The following PTN variants were observed in gnomAD, a reference collection of about 807,000 sequenced individuals.
The protein encoded by PTN is heparin affin regulatory protein.
In PTN, 18 loss-of-function variants were observed where a neutral mutation model predicts 24.1. That is an observed-to-expected ratio of 0.75 (90% CI 0.52 to 1.11). The LOEUF is 1.11. Ranked by LOEUF, PTN falls within the 50% of genes least tolerant of loss-of-function variation. The pLI, the probability that PTN is intolerant of heterozygous loss-of-function variation, is 0.00. For synonymous variants in PTN, 78 were observed against 68.6 expected (o/e 1.14, Z -0.67); for missense variants, 163 against 198.8 (o/e 0.82, Z 1.08).
chr7:137,286,283 A>T (rs1809552900), intron 1 of PTN, among the ~76,000 whole-genome samples: 2 of 152,260 alleles, frequency 1.3e-5, no homozygotes, highest in Admixed American at 1.3e-4. Flanking sequence ...GACTATACCT[A>T]CAAGGTTTGA....
At chr7:137,262,550 C>T (rs571646160) in intron 1 of PTN, among the ~76,000 whole-genome samples, 2 of 152,124 alleles carry the variant, frequency 1.3e-5, no homozygotes, top group South Asian at 2.1e-4. Context: ...CCTCAGACAC[C>T]GAGATAGTGA....
intron 1 of PTN, among the ~76,000 whole-genome samples, chr7:137,258,701 A>G (rs1383002564): frequency 6.6e-6 from 1 of 152,172 alleles, no homozygotes; most frequent in Non-Finnish European, 1.5e-5. Context: ...TTGAGTAACT[A>G]GTATACATAG....
chr7:137,232,799 T>G (rs981119630), intron 4 of PTN, among the ~76,000 whole-genome samples: 2 of 151,914 alleles, frequency 1.3e-5, no homozygotes, highest in Non-Finnish European at 2.9e-5. Flanking sequence ...TGGCGGCAGT[T>G]TCCCCCATGC....
At chr7:137,286,968 T>C (rs1441952249) in intron 1 of PTN, among the ~76,000 whole-genome samples, 1 of 152,200 alleles carries the variant, frequency 6.6e-6, no homozygotes, top group Non-Finnish European at 1.5e-5. Context: ...ATTTAATAGA[T>C]TGCATAACTT....
chr7:137,261,204 T>C, intron 1 of PTN, among the ~76,000 whole-genome samples: 1 of 152,304 alleles, frequency 6.6e-6, no homozygotes, highest in African/African-American at 2.4e-5. Flanking sequence ...CTTTGTTTGT[T>C]CGTTTTGATA....
At chr7:137,239,743 T>C (rs570807665) in intron 4 of PTN, among the ~76,000 whole-genome samples, 50 of 152,352 alleles carry the variant, frequency 3.3e-4, no homozygotes, top group Non-Finnish European at 1.2e-4. Flanking sequence ...TCATTTTTTA[T>C]GGCTGCATAG....
chr7:137,243,135 C>G (rs763736971), intron 4 of PTN, among the ~76,000 whole-genome samples: 3 of 152,104 alleles, frequency 2.0e-5, no homozygotes, highest in Non-Finnish European at 4.4e-5. Flanking sequence ...TGGGGTTTCA[C>G]CATGTTGGCC....
chr7:137,254,222 G>A (rs376762709), intron 2 of PTN, among the ~76,000 whole-genome samples: 38 of 151,842 alleles, frequency 2.5e-4, no homozygotes, highest in African/African-American at 8.9e-4. Context: ...CACTTGAACC[G>A]GGAGACAGAG....
At chr7:137,306,829 C>T (rs1218217696) in intron 1 of PTN, among the ~76,000 whole-genome samples, 1 of 152,098 alleles carries the variant, frequency 6.6e-6, no homozygotes, top group African/African-American at 2.4e-5. Context: ...GTCATGAGAG[C>T]AACCTATTAT....
chr7:137,283,040 A>G (rs1563211516), intron 1 of PTN, among the ~76,000 whole-genome samples: 1 of 152,112 alleles, frequency 6.6e-6, no homozygotes, highest in Admixed American at 6.6e-5. Flanking sequence ...AGGAAATATC[A>G]AAGAGCCTGA....
intron 1 of PTN, among the ~76,000 whole-genome samples, chr7:137,279,772 T>A (rs1809435448): frequency 6.6e-6 from 1 of 152,174 alleles, no homozygotes; most frequent in Admixed American, 6.5e-5. Context: ...AGGCCATTAT[T>A]AGATGTGAAT....
intron 1 of PTN, among the ~76,000 whole-genome samples, chr7:137,308,555 G>C (rs748238404): frequency 6.6e-6 from 1 of 152,136 alleles, no homozygotes; most frequent in Admixed American, 6.5e-5. Context: ...GGGTGTTGGG[G>C]TTCAGAGCTT....
intron 1 of PTN, among the ~76,000 whole-genome samples, chr7:137,287,495 T>C (rs1372954955): frequency 1.3e-5 from 2 of 152,088 alleles, no homozygotes; most frequent in African/African-American, 4.8e-5. Context: ...GACCTTAAAT[T>C]GGTCCTTAAA....
intron 1 of PTN, among the ~76,000 whole-genome samples, chr7:137,300,051 A>G (rs1585035270): frequency 1.3e-5 from 2 of 151,636 alleles, no homozygotes; most frequent in South Asian, 4.2e-4. Context: ...GCTGCCCGCC[A>G]TGGGAGCAAT....
At chr7:137,317,778 C>T (rs994632471) in intron 1 of PTN, among the ~76,000 whole-genome samples, 1 of 152,046 alleles carries the variant, frequency 6.6e-6, no homozygotes, top group Non-Finnish European at 1.5e-5. Flanking sequence ...TGGGGGAAGG[C>T]GTCGTCCCTC....
At chr7:137,243,118 T>G (rs893601429) in intron 4 of PTN, among the ~76,000 whole-genome samples, 1 of 152,050 alleles carries the variant, frequency 6.6e-6, no homozygotes, top group African/African-American at 2.4e-5. Context: ...TGTATTTTTA[T>G]TAGAGATGGG....
intron 1 of PTN, among the ~76,000 whole-genome samples, chr7:137,309,481 C>T (rs1563219805): frequency 1.3e-5 from 2 of 151,438 alleles, no homozygotes; most frequent in African/African-American, 4.8e-5. Flanking sequence ...TTCACTCTTT[C>T]ATGAATGATT....
chr7:137,318,570 T>C (rs1336844238), intron 1 of PTN: 2 of 152,222 alleles, frequency 1.3e-5, no homozygotes, highest in African/African-American at 2.4e-5. Flanking sequence ...TTCCAGGACT[T>C]TGAAAGATGA....
At chr7:137,333,354 C>T (rs2128883015) in intron 1 of PTN, among the ~76,000 whole-genome samples, 1 of 152,288 alleles carries the variant, frequency 6.6e-6, no homozygotes, top group African/African-American at 2.4e-5. Flanking sequence ...TTTATAGCAA[C>T]ACAAAACAGA....
Sources: allele counts gnomAD v4.1 joint callset (sites outside exome capture counted in the v4.1 genomes callset), GRCh38; gene constraint gnomAD v4.1.1; transcripts MANE v1.5; gene names NCBI Gene and HGNC (gene_info 2026-07-23, HGNC 2026-07-21).